The following EDA variants were observed in gnomAD, a reference collection of about 807,000 sequenced individuals.
EDA encodes ectodysplasin-A.
Under a neutral mutation model 23.6 loss-of-function variants are expected in EDA, and 2 were observed. That is an observed-to-expected ratio of 0.08 (90% CI 0.03 to 0.27). The LOEUF is 0.27. EDA is among the 10% of genes least tolerant of loss of function. EDA has a pLI of 1.00. For synonymous variants in EDA, 131 were observed against 132.0 expected (o/e 0.99, Z 0.05); for missense variants, 229 against 324.2 (o/e 0.71, Z 2.26).
At chrX:70,013,238 C>T (rs1203980814) in intron 2 of EDA, among the ~76,000 whole-genome samples, 2 of 111,344 alleles carry the variant, frequency 1.8e-5, no homozygotes, top group Admixed American at 9.4e-5. Flanking sequence ...CCTTACTGCC[C>T]ATGGGCTGGG....
chrX:69,988,870 T>A (rs1190388400), intron 2 of EDA, among the ~76,000 whole-genome samples: 1 of 110,750 alleles, frequency 9.0e-6, no homozygotes. Flanking sequence ...AGAAAAAAAA[T>A]TGTTTAATTT....
chrX:69,974,928 C>T lies in EDA; in HGVS notation c.502+17796C>T, dbSNP rs142155120. On this transcript the variant is annotated intron_variant, in intron 2 of 7. Coordinates refer to ENST00000374552, the MANE Select transcript of EDA (RefSeq NM_001399.5). ...ATCACAATGAGAAACCATCTCACAC[C>T]AGTCAGAATGGCTTTTATTAAAAAG... Among the ~76,000 whole-genome samples, 31 of 111,752 alleles carry T rather than the reference C, an allele frequency of 2.8e-4. No individual in the cohort carries two copies. In the East Asian group the frequency reaches 4.5e-3, roughly 16 times the overall value.
chrX:69,654,072 A>T (rs1241677086), intron 1 of EDA, among the ~76,000 whole-genome samples: 105 of 112,164 alleles, frequency 9.4e-4, no homozygotes, highest in Non-Finnish European at 1.7e-3. Context: ...GCTAATATCC[A>T]GAATCTACAA....
intron 1 of EDA, among the ~76,000 whole-genome samples, chrX:69,708,366 C>T (rs887151802): frequency 6.3e-5 from 7 of 111,405 alleles, no homozygotes; most frequent in African/African-American, 2.3e-4. Flanking sequence ...TTGGTGGACA[C>T]TCAGCTATTT....
chrX:69,805,409 C>G (rs1263162633), intron 1 of EDA, among the ~76,000 whole-genome samples: 2 of 111,521 alleles, frequency 1.8e-5, no homozygotes, highest in Non-Finnish European at 3.8e-5. Flanking sequence ...ATTTTATAAT[C>G]AGACATAAAT....
intron 1 of EDA, among the ~76,000 whole-genome samples, chrX:69,642,899 T>G (rs1203707386): frequency 8.9e-6 from 1 of 111,791 alleles, no homozygotes; most frequent in East Asian, 2.8e-4. Context: ...ACTTGAAAGA[T>G]GGCAGTGGGA....
intron 1 of EDA, among the ~76,000 whole-genome samples, chrX:69,647,946 G>A (rs141257890): frequency 1.8e-5 from 2 of 111,603 alleles, no homozygotes; most frequent in South Asian, 3.8e-4. Context: ...CCACTGTACC[G>A]TAGGACTGCT....
At chrX:70,012,346 C>G (rs1019595986) in intron 2 of EDA, among the ~76,000 whole-genome samples, 2 of 112,176 alleles carry the variant, frequency 1.8e-5, no homozygotes, top group African/African-American at 6.5e-5. Context: ...TGCTTTTGCT[C>G]TGAGTCAAGA....
intron 1 of EDA, among the ~76,000 whole-genome samples, chrX:69,745,309 C>T (rs1442937085): frequency 9.0e-6 from 1 of 111,190 alleles, no homozygotes; most frequent in Non-Finnish European, 1.9e-5. Flanking sequence ...GGATGCCATT[C>T]GTCTAGGAAA....
chrX:69,965,717 A>G (rs1239378536), intron 2 of EDA, among the ~76,000 whole-genome samples: 1 of 112,309 alleles, frequency 8.9e-6, no homozygotes, highest in African/African-American at 3.2e-5. Context: ...GAACATGTGC[A>G]TGTTCTACCA....
rs2018577202 is a variant in EDA at position 69,930,021 on chromosome X, C to T, written c.397-27006C>T. The stretch of plus-strand genomic sequence containing the variant: ...CTTCTCTGCGGCTCCGTAGACTTTC[C>T]TTTATGAACCTCATATGGCATTCAT... On this transcript the variant is annotated intron_variant, in intron 1 of 7. Coordinates refer to ENST00000374552, the MANE Select transcript of EDA (RefSeq NM_001399.5). Among the ~76,000 whole-genome samples the T allele has an allele frequency of 2.7e-5, 3 of 111,250 alleles. No homozygotes were observed. In the Admixed American group the frequency reaches 2.9e-4, roughly 11 times the overall value.
intron 1 of EDA, among the ~76,000 whole-genome samples, chrX:69,822,267 G>A (rs748583099): frequency 7.2e-5 from 8 of 111,179 alleles, no homozygotes; most frequent in South Asian, 3.8e-4. Flanking sequence ...CTCCAGCCTC[G>A]GCAACAAAGT....
chrX:69,746,753 A>G (rs2013634538), intron 1 of EDA, among the ~76,000 whole-genome samples: 1 of 111,297 alleles, frequency 9.0e-6, no homozygotes, highest in Admixed American at 9.5e-5. Flanking sequence ...CACCAAAATA[A>G]AAAAGAAAGA....
chrX:69,689,018 A>G (rs1934626697), intron 1 of EDA, among the ~76,000 whole-genome samples: 2 of 111,249 alleles, frequency 1.8e-5, no homozygotes, highest in Non-Finnish European at 3.8e-5. Flanking sequence ...TTTTTCCCCT[A>G]TTGAATTCTC....
At chrX:69,877,266 C>T (rs1370611754) in intron 1 of EDA, among the ~76,000 whole-genome samples, 2 of 112,097 alleles carry the variant, frequency 1.8e-5, no homozygotes, top group Non-Finnish European at 3.8e-5. Flanking sequence ...TATGATCATA[C>T]CACTGTATTC....
At chrX:69,669,194 A>T (rs1255241427) in intron 1 of EDA, among the ~76,000 whole-genome samples, 1 of 109,969 alleles carries the variant, frequency 9.1e-6, no homozygotes, top group Non-Finnish European at 1.9e-5. Flanking sequence ...CATAGACACC[A>T]TATAGTTGGA....
In EDA at chrX:69,924,934, C is replaced by T. The variant is rs761344201; in HGVS notation, c.397-32093C>T. On this transcript the variant is annotated intron_variant, in intron 1 of 7. Coordinates refer to ENST00000374552, the MANE Select transcript of EDA (RefSeq NM_001399.5). ...TAGTGATTGTGAATGGGAGTTCACTCGTGATTTGGCTCTCTGTTGTCTATT... is the reference window on the plus strand; with the variant it reads ...TAGTGATTGTGAATGGGAGTTCACTTGTGATTTGGCTCTCTGTTGTCTATT... 4.2e-4 allele frequency among the ~76,000 whole-genome samples: 47 copies of T among 111,208 alleles called. 1 individual carries two copies. The highest frequency in any genetic ancestry group is 7.2e-4 in the Non-Finnish European group (38 of 53,031).
chrX:69,783,955 T>G (rs1242930465), intron 1 of EDA, among the ~76,000 whole-genome samples: 3 of 106,452 alleles, frequency 2.8e-5, no homozygotes, highest in Non-Finnish European at 5.9e-5. Flanking sequence ...CAGCACCTGT[T>G]GTTTCCTGAC....
At chrX:69,815,659 G>T (rs760739174) in intron 1 of EDA, among the ~76,000 whole-genome samples, 1 of 111,022 alleles carries the variant, frequency 9.0e-6, no homozygotes, top group South Asian at 3.8e-4. Flanking sequence ...ACCAGCAAGG[G>T]TTCTACAGAC....
Sources: allele counts gnomAD v4.1 joint callset (sites outside exome capture counted in the v4.1 genomes callset), GRCh38; gene constraint gnomAD v4.1.1; transcripts MANE v1.5; gene names NCBI Gene and HGNC (gene_info 2026-07-23, HGNC 2026-07-21).